C3orf62: variants seen among roughly 807,000 people sequenced by gnomAD.
The protein encoded by C3orf62 is chromosome 3 open reading frame 62.
In C3orf62, 16 loss-of-function variants were observed where a neutral mutation model predicts 21.7. The observed-to-expected ratio is 0.74, with a 90% confidence interval of 0.50 to 1.12. The LOEUF (loss-of-function observed/expected upper bound fraction) is 1.12. Ranked by LOEUF, C3orf62 falls within the 50% of genes most tolerant of loss-of-function variation. C3orf62 has a pLI of 0.00. For missense variants in C3orf62, 310 were observed against 318.8 expected, an observed-to-expected ratio of 0.97 and a Z score of 0.21; for synonymous variants, 114 against 117.0, an observed-to-expected ratio of 0.97 and a Z score of 0.17.
intron 1 of C3orf62, 29 bp downstream of exon 1, chr3:49,276,398 A>G (rs2046960083): frequency 6.3e-7 from 1 of 1,581,242 alleles, no homozygotes; most frequent in East Asian, 2.2e-5. Flanking sequence ...CCTTAATTGT[A>G]GCTGTTAAAC....
chr3:49,271,755 A>C (rs1338325810), intron 2 of C3orf62, among the ~76,000 whole-genome samples: 3 of 152,022 alleles, frequency 2.0e-5, no homozygotes, highest in Non-Finnish European at 2.9e-5. Flanking sequence ...TGAAAAAAAA[A>C]CAAGGAAACA....
rs372595668 is a variant in C3orf62 at position 49,271,390 on chromosome 3, G to A, written c.594C>T (p.Asn198=). 7.4e-6 allele frequency: 12 copies of A among 1,613,996 alleles called. No individual in the cohort carries two copies. Among genetic ancestry groups the A allele is most frequent in the Middle Eastern group, 1.6e-4 (1 of 6,082 alleles). Residue 198 remains asparagine, a synonymous_variant, in exon 3 of 3, where the codon AAC becomes AAT. Coordinates refer to ENST00000343010, the MANE Select transcript of C3orf62 (RefSeq NM_198562.3). ...AATGACCACACATGTGGTTCAATTC[G>A]TTTTCAAATTCTATTTTTCCAGCCA... ...EELAGKIEFE[N]ELNHMCGHCQ...
chr3:49,276,488 G>A lies in C3orf62; in HGVS notation c.385C>T (p.Pro129Ser), dbSNP rs780768040. ...NVLMHSSILA[P>S]ERESWRTAGE... ...GCAGTTCTCCAAGACTCTCTTTCAG[G>A]TGCCAAAATGGAGGAATGCATCAAT... The change falls in exon 1 of 3, where the codon CCT becomes TCT. Residue 129 changes from proline to serine, a missense_variant. Physicochemically the swap from Pro to Ser is moderately conservative, Grantham distance 74. Coordinates refer to ENST00000343010, the MANE Select transcript of C3orf62 (RefSeq NM_198562.3). The A allele has an allele frequency of 1.2e-6, 2 of 1,614,130 alleles. No individual in the cohort carries two copies. The highest frequency in any genetic ancestry group is 2.2e-5 in the East Asian group (1 of 44,890).
chr3:49,273,985 G>C, intron 2 of C3orf62, 64 bp downstream of exon 2: 1 of 1,157,626 alleles, frequency 8.6e-7, no homozygotes, highest in South Asian at 1.2e-5. Context: ...GATATTTGCT[G>C]ACTCAGACCC....
Position 49,273,176 on chromosome 3 carries a change from C to T in C3orf62, c.538+873G>A, listed in dbSNP as rs567635483. On this transcript the variant is annotated intron_variant, in intron 2 of 2. Coordinates refer to ENST00000343010, the MANE Select transcript of C3orf62 (RefSeq NM_198562.3). ...AGTGGTGGCTCTTGCCTGATCCCAG[C>T]ACTGGGAGGCCACAGTAAGTGGATT... Among the ~76,000 whole-genome samples, 4 of 152,302 alleles carry T rather than the reference C, an allele frequency of 2.6e-5. 1 individual carries two copies. The highest frequency in any genetic ancestry group is 9.6e-5 in the African/African-American group (4 of 41,566).
At chr3:49,274,235 G>T (rs1324932007) in intron 1 of C3orf62, 95 bp from the exon 2 acceptor site, 2 of 919,892 alleles carry the variant, frequency 2.2e-6, no homozygotes, top group East Asian at 2.5e-5. Flanking sequence ...TAATCTCAAA[G>T]ACAAAAACTT....
chr3:49,276,524 T>C lies in C3orf62; in HGVS notation c.349A>G (p.Lys117Glu). Residue 117 changes from lysine to glutamate, a missense_variant, in exon 1 of 3, where the codon AAG becomes GAG. Lys to Glu is a moderately conservative substitution (Grantham distance 56, BLOSUM62 1). Transcript: ENST00000343010. ...LCPERKPLTS[K>E]ENVLMHSSIL... is the part of the protein sequence containing the mutation. ...GAGGAATGCATCAATACATTTTCCT[T>C]GCTGGTTAGAGGTTTTCTCTCGGGG... 1 of 1,614,234 alleles carries C rather than the reference T, an allele frequency of 6.2e-7. No homozygotes were observed. The highest frequency in any genetic ancestry group is 8.5e-7 in the Non-Finnish European group (1 of 1,180,044).
rs201405259 is a variant in C3orf62 at position 49,274,099 on chromosome 3, G to A, written c.488C>T (p.Pro163Leu). The stretch of plus-strand genomic sequence containing the variant: ...GACCTCTTGGCTAGAATTGTTGAGT[G>A]GCATGTTTGAGTCAGCCTTCAAATC... ...ERDLKADSNM[P>L]LNNSSQEVTK... Residue 163 changes from proline (P) to leucine (L), a missense_variant, in exon 2 of 3, where the codon CCA becomes CTA. Coordinates refer to ENST00000343010, the MANE Select transcript of C3orf62 (RefSeq NM_198562.3). 4.6e-5 allele frequency: 75 copies of A among 1,614,092 alleles called. No homozygotes were observed. The African/African-American group carries it at 8.8e-4, about 19-fold the overall frequency.
intron 2 of C3orf62, among the ~76,000 whole-genome samples, chr3:49,273,780 C>T (rs956971649): frequency 4.6e-5 from 7 of 151,970 alleles, no homozygotes; most frequent in South Asian, 4.2e-4. Flanking sequence ...CTCGGCCTCC[C>T]GAGTAGCTGG....
intron 1 of C3orf62, among the ~76,000 whole-genome samples, chr3:49,276,113 TA>T (rs924652047): frequency 1.3e-5 from 2 of 152,162 alleles, no homozygotes; most frequent in African/African-American, 4.8e-5. Flanking sequence ...TTCTGCAACT[TA>T]AAAAATAAGG....
chr3:49,276,498 G>A lies in C3orf62; in HGVS notation c.375C>T (p.Ser125=). 1.2e-6 allele frequency: 2 copies of A among 1,614,184 alleles called. No individual in the cohort carries two copies. Among genetic ancestry groups the A allele is most frequent in the South Asian group, 1.1e-5 (1 of 91,086 alleles). ...TSKENVLMHS[S]ILAPERESWR... is the part of the protein sequence containing the mutation. The stretch of plus-strand genomic sequence containing the variant: ...AAGACTCTCTTTCAGGTGCCAAAAT[G>A]GAGGAATGCATCAATACATTTTCCT... The change falls in exon 1 of 3, where the codon TCC becomes TCT. Residue 125 remains serine (S), a synonymous_variant. Transcript: ENST00000343010.
chr3:49,272,472 A>T (rs1043857490), intron 2 of C3orf62, among the ~76,000 whole-genome samples: 2 of 149,422 alleles, frequency 1.3e-5, no homozygotes, highest in Non-Finnish European at 3.0e-5. Flanking sequence ...CTATATTAAC[A>T]GTGGTTATCT....
rs2046895572 is a variant in C3orf62 at position 49,268,672 on chromosome 3, C to T, written c.*2508G>A. 6.6e-6 allele frequency: 1 copy of T among 152,180 alleles called. No homozygotes were observed. Among genetic ancestry groups the T allele is most frequent in the South Asian group, 2.1e-4 (1 of 4,834 alleles). The allele number at this position is 152,180 out of a possible 1,614,324, so 9.4% of individuals were successfully genotyped here. A position where few individuals can be genotyped will look rare whatever the true frequency, so the allele number is the denominator to read the frequency against. On this transcript the variant is annotated 3_prime_UTR_variant, in exon 3 of 3. Transcript: ENST00000343010. ...TCTCTTTCTCTTCCAGGATGCACTC[C>T]AGGATTCCATGTTGCATTTAGCCAT...
chr3:49,277,104 C>G lies in C3orf62; in HGVS notation c.-232G>C. On this transcript the variant is annotated 5_prime_UTR_variant, in exon 1 of 3. Coordinates refer to ENST00000343010, the MANE Select transcript of C3orf62 (RefSeq NM_198562.3). ...TTCCTGGCCCGCCCCGCCGCTGCCTCCCGCCCCACCGCGGCTCCCAGGCCG... is the reference window on the plus strand; with the variant it reads ...TTCCTGGCCCGCCCCGCCGCTGCCTGCCGCCCCACCGCGGCTCCCAGGCCG... 3 of 1,481,090 alleles carry G rather than the reference C, an allele frequency of 2.0e-6. No homozygotes were observed. Among genetic ancestry groups the G allele is most frequent in the African/African-American group, 1.4e-5 (1 of 72,056 alleles). The allele number at this position is 1,481,090 out of a possible 1,614,324, so 91.7% of individuals were successfully genotyped here.
At chr3:49,275,366 C>T (rs745455356) in intron 1 of C3orf62, among the ~76,000 whole-genome samples, 29 of 151,600 alleles carry the variant, frequency 1.9e-4, no homozygotes, top group Non-Finnish European at 2.7e-4. Flanking sequence ...AGATTACAGG[C>T]GTGCCACCAC....
At chr3:49,273,584 T>C (rs537391654) in intron 2 of C3orf62, among the ~76,000 whole-genome samples, 159 of 151,968 alleles carry the variant, frequency 1.0e-3, no homozygotes, top group Non-Finnish European at 1.6e-3. Flanking sequence ...CACACACCAC[T>C]GTGCCCAGCT....
rs1158567261 is a variant in C3orf62, at chr3:49,276,785, G to A, written c.88C>T (p.Arg30Trp). The A allele has an allele frequency of 3.1e-6, 5 of 1,614,162 alleles. No individual in the cohort carries two copies. The highest frequency in any genetic ancestry group is 2.2e-5 in the East Asian group (1 of 44,878). ...CRKELTAAID[R>W]AFEGVSYSQE... ...GAATAACTAACTCCTTCAAAGGCCC[G>A]GTCAATGGCTGCAGTCAGTTCCTTT... Residue 30 changes from arginine (R) to tryptophan (W), a missense_variant, in exon 1 of 3, where the codon CGG becomes TGG. Physicochemically the swap from Arg to Trp is moderately radical, Grantham distance 101. Transcript: ENST00000343010.
At position 49,276,475 on chromosome 3, in the gene C3orf62, G is replaced by A. The variant is rs1481098594; in HGVS notation, c.398C>T (p.Ser133Phe). The change falls in exon 1 of 3, where the codon TCT becomes TTT. Residue 133 changes from serine to phenylalanine, a missense_variant. Transcript: ENST00000343010. Reference protein sequence around the residue: ...HSSILAPERESWRTAGEGENW... With the variant: ...HSSILAPEREFWRTAGEGENW... ...TTCCCCCTCTCCTGCAGTTCTCCAA[G>A]ACTCTCTTTCAGGTGCCAAAATGGA... is the stretch of plus-strand genomic sequence containing the variant. The A allele has an allele frequency of 6.2e-7, 1 of 1,614,078 alleles. No homozygotes were observed. Among genetic ancestry groups the A allele is most frequent in the Admixed American group, 1.7e-5 (1 of 60,018 alleles).
chr3:49,275,353 C>G (rs1293685968), intron 1 of C3orf62, among the ~76,000 whole-genome samples: 1 of 151,684 alleles, frequency 6.6e-6, no homozygotes, highest in Non-Finnish European at 1.5e-5. Context: ...TCCCAAAGTG[C>G]TGAGATTACA....
Sources: gnomAD v4.1 joint callset for allele counts (sites outside exome capture counted in the v4.1 genomes callset) on GRCh38, gnomAD v4.1.1 for gene constraint, MANE v1.5 for transcripts, NCBI Gene and HGNC (gene_info 2026-07-23, HGNC 2026-07-21) for gene names.